The following MAPK6 variants were observed in gnomAD, a reference collection of about 807,000 sequenced individuals.
MAPK6 encodes mitogen-activated protein kinase 6.
In MAPK6, 19 loss-of-function variants were observed where a neutral mutation model predicts 59.3. That is an observed-to-expected ratio of 0.32 (90% confidence interval 0.22 to 0.47). The LOEUF is 0.47. Among genes scored for constraint, MAPK6 ranks in the 20% least tolerant of loss-of-function variants. The pLI is 1.00. For missense variants in MAPK6, 724 were observed against 847.9 expected (o/e 0.85, Z 1.81); for synonymous variants, 316 against 290.3 (o/e 1.09, Z -0.90).
chr15:52,026,871 G>A (rs1415334010), intron 1 of MAPK6, among the ~76,000 whole-genome samples: 2 of 148,798 alleles, frequency 1.3e-5, no homozygotes, highest in South Asian at 2.1e-4. Flanking sequence ...CCAACATGAT[G>A]AAAACCCGTC....
intron 4 of MAPK6, among the ~76,000 whole-genome samples, chr15:52,059,251 A>G (rs1014866186): frequency 5.3e-5 from 8 of 152,346 alleles, no homozygotes; most frequent in African/African-American, 1.4e-4. Context: ...CCACTGTCAC[A>G]ACATCCCTGT....
At chr15:51,977,024 G>C (rs2057159408) in intron 1 of MAPK6, among the ~76,000 whole-genome samples, 3 of 151,622 alleles carry the variant, frequency 2.0e-5, no homozygotes, top group South Asian at 4.2e-4. Context: ...GGGGAAGGGG[G>C]ATGGAGTCTC....
At chr15:51,986,933 G>T (rs1057094261) in intron 2 of MAPK6, among the ~76,000 whole-genome samples, 2 of 152,114 alleles carry the variant, frequency 1.3e-5, no homozygotes, top group Non-Finnish European at 2.9e-5. Flanking sequence ...ACATCTATGT[G>T]CATGTTGCCA....
chr15:51,974,065 G>T (rs1316879543), intron 1 of MAPK6, among the ~76,000 whole-genome samples: 1 of 151,800 alleles, frequency 6.6e-6, no homozygotes, highest in Non-Finnish European at 1.5e-5. Context: ...TCATTTTGCA[G>T]TATTTCTTAC....
chr15:51,996,115 T>G (rs1413520579), intron 2 of MAPK6, among the ~76,000 whole-genome samples: 1 of 152,160 alleles, frequency 6.6e-6, no homozygotes, highest in African/African-American at 2.4e-5. Context: ...TGCTGTATTA[T>G]CCATTTACCT....
chr15:52,040,584 GAAAA>G (rs1049952134), intron 1 of MAPK6, among the ~76,000 whole-genome samples: 1 of 152,088 alleles, frequency 6.6e-6, no homozygotes, highest in Non-Finnish European at 1.5e-5. Flanking sequence ...TCCTTGATAA[GAAAA>G]AAAGAAAATT....
rs188095991 is a variant in MAPK6 at position 51,979,568 on chromosome 15, G to A, written c.-879-3638G>A. ...AGCACTTTGGGAGGCCAAGGTGGGCGGATTACTTGAGCTTAGGAGTTTGAG... is the reference window on the plus strand; with the variant it reads ...AGCACTTTGGGAGGCCAAGGTGGGCAGATTACTTGAGCTTAGGAGTTTGAG... On this transcript the variant is annotated intron_variant, in intron 1 of 7. Coordinates refer to the MAPK6 transcript ENST00000691380. Among the ~76,000 whole-genome samples the A allele has an allele frequency of 1.6e-3, 238 of 151,454 alleles. 4 individuals are homozygous for A. Among genetic ancestry groups the A allele is most frequent in the Non-Finnish European group, 1.3e-3 (89 of 67,806 alleles).
In MAPK6 at chr15:52,043,742, A is replaced by ATTTTTTTTTTTTTTTTTTT. The variant is rs71130125; in HGVS notation, c.-631-2072_-631-2054dup. Among the ~76,000 whole-genome samples, 5 of 40,658 alleles carry ATTTTTTTTTTTTTTTTTTT rather than the reference A, an allele frequency of 1.2e-4. 2 individuals are homozygous for ATTTTTTTTTTTTTTTTTTT. Among genetic ancestry groups the ATTTTTTTTTTTTTTTTTTT allele is most frequent in the Non-Finnish European group, 1.8e-4 (4 of 22,478 alleles). 26.7% of individuals were successfully genotyped at this position (40,658 alleles called of 152,430 possible). A position where few individuals can be genotyped will look rare whatever the true frequency, so the allele number is the denominator to read the frequency against. On this transcript the variant is annotated intron_variant, in intron 1 of 5. Transcript: ENST00000261845. The stretch of plus-strand genomic sequence containing the variant: ...TGATATGTTGGACTTAAGTTGTTTG[A>ATTTTTTTTTTTTTTTTTTT]TTTTTTTTTTTTTTTTTTTTTTTTT...
At chr15:52,018,654 G>A (rs2030351095), upstream of MAPK6, 1 of 152,250 alleles carries the variant, frequency 6.6e-6, no homozygotes, top group South Asian at 2.1e-4. Flanking sequence ...AACAAGCCAG[G>A]TACTCTGGCC....
chr15:51,977,948 G>C (rs138202613), intron 1 of MAPK6, among the ~76,000 whole-genome samples: 3 of 151,936 alleles, frequency 2.0e-5, no homozygotes, highest in Non-Finnish European at 4.4e-5. Context: ...GGGTGCTGTG[G>C]CATAGTACAC....
chr15:52,016,571 TACTC>T (rs2030277171), upstream of MAPK6, among the ~76,000 whole-genome samples: 1 of 152,206 alleles, frequency 6.6e-6, no homozygotes, highest in Admixed American at 6.5e-5. Context: ...CTCATTAAGT[TACTC>T]ACAGAATTTG....
At chr15:52,041,444 C>T (rs1011579795) in intron 1 of MAPK6, among the ~76,000 whole-genome samples, 1 of 152,186 alleles carries the variant, frequency 6.6e-6, no homozygotes, top group African/African-American at 2.4e-5. Context: ...GATCTGCCCG[C>T]CTCAGCCTCC....
At chr15:51,986,749 T>G (rs541294727) in intron 2 of MAPK6, among the ~76,000 whole-genome samples, 1 of 152,264 alleles carries the variant, frequency 6.6e-6, no homozygotes, top group Admixed American at 6.5e-5. Flanking sequence ...CTGTTTTCAT[T>G]TATGTGGCCC....
At chr15:52,017,582 A>T (rs1327128137), upstream of MAPK6, 1 of 152,672 alleles carries the variant, frequency 6.5e-6, no homozygotes, top group African/African-American at 2.4e-5. Context: ...TTGGGCTCAG[A>T]GGCCTGACAC....
At chr15:52,036,625 A>G (rs2031249529) in intron 1 of MAPK6, among the ~76,000 whole-genome samples, 1 of 152,238 alleles carries the variant, frequency 6.6e-6, no homozygotes, top group Non-Finnish European at 1.5e-5. Context: ...TTAAGCTTCC[A>G]ACCCATGAAC....
Position 52,035,000 on chromosome 15 carries a change from C to T in MAPK6, c.-631-10830C>T, listed in dbSNP as rs144273926. Among the ~76,000 whole-genome samples the T allele has an allele frequency of 2.9e-3, 441 of 152,300 alleles. 4 individuals carry two copies. Among genetic ancestry groups the T allele is most frequent in the Admixed American group, 6.6e-3 (101 of 15,298 alleles). On this transcript the variant is annotated intron_variant, in intron 1 of 5. Transcript: ENST00000261845. ...TGCAGGCATGAGCCACTGCGCCTGG[C>T]CTTGTTATCTCTTCATATGCTCCTG...
chr15:52,029,287 A>G (rs2030935976), intron 1 of MAPK6, among the ~76,000 whole-genome samples: 1 of 152,068 alleles, frequency 6.6e-6, no homozygotes, highest in Admixed American at 6.6e-5. Flanking sequence ...TCCTTATTAC[A>G]GGCATAAGCC....
At position 52,064,136 on chromosome 15, in the gene MAPK6, A is replaced by G. The variant is rs769911600; in HGVS notation, c.1302A>G (p.Lys434=). Reference sequence around the variant, plus strand: ...AATACTCAGATCATCATGAAAACAAATATTGTGATCTGGAGTGTAGCCATA... The same window carrying G: ...AATACTCAGATCATCATGAAAACAAGTATTGTGATCTGGAGTGTAGCCATA... ...CWQYSDHHEN[K]YCDLECSHTC... Residue 434 remains lysine, a synonymous_variant, in exon 6 of 6, where the codon AAA becomes AAG. Coordinates refer to ENST00000261845, the MANE Select transcript of MAPK6 (RefSeq NM_002748.4). 3 of 1,612,410 alleles carry G rather than the reference A, an allele frequency of 1.9e-6. No homozygotes were observed. Among genetic ancestry groups the G allele is most frequent in the Non-Finnish European group, 8.5e-7 (1 of 1,179,180 alleles).
At chr15:52,048,734 A>G (rs1191114310) in intron 2 of MAPK6, among the ~76,000 whole-genome samples, 1 of 149,090 alleles carries the variant, frequency 6.7e-6, no homozygotes, top group African/African-American at 2.5e-5. Context: ...TTTGAGACCA[A>G]CCTGCGCAGT....
Sources: gnomAD v4.1 joint callset for allele counts (sites outside exome capture counted in the v4.1 genomes callset) on GRCh38, gnomAD v4.1.1 for gene constraint, MANE v1.5 for transcripts, NCBI Gene and HGNC (gene_info 2026-07-23, HGNC 2026-07-21) for gene names.